The following PCDHGA9 variants were observed in gnomAD, a reference collection of about 807,000 sequenced individuals.
The protein encoded by PCDHGA9 is protocadherin gamma subfamily A, 9, also known as protocadherin gamma-A9.
Under a neutral mutation model 62.5 loss-of-function variants are expected in PCDHGA9, and 37 were observed. The ratio of observed to expected loss-of-function variants is 0.59; its 90% confidence interval spans 0.46 to 0.78. The LOEUF (loss-of-function observed/expected upper bound fraction) is 0.78. PCDHGA9 is among the 30% of genes least tolerant of loss of function. The pLI is 0.00. For synonymous variants in PCDHGA9, 459 were observed against 484.6 expected, an observed-to-expected ratio of 0.95 and a Z score of 0.69; for missense variants, 1,138 against 1,166.2, an observed-to-expected ratio of 0.98 and a Z score of 0.35.
intron 1 of PCDHGA9, among the ~76,000 whole-genome samples, chr5:141,437,514 C>G (rs2097891371): frequency 6.6e-6 from 1 of 152,114 alleles, no homozygotes; most frequent in South Asian, 2.1e-4. Flanking sequence ...AATTATAAGG[C>G]TGATGACAAA....
At chr5:141,510,653 T>G (rs1388568365) in intron 3 of PCDHGA9, among the ~76,000 whole-genome samples, 1 of 152,184 alleles carries the variant, frequency 6.6e-6, no homozygotes, top group Non-Finnish European at 1.5e-5. Context: ...ATCCCCATTT[T>G]GCAGATGAGA....
intron 1 of PCDHGA9, chr5:141,416,902 C>T (rs1364019748): frequency 1.3e-5 from 2 of 152,020 alleles, no homozygotes; most frequent in Non-Finnish European, 2.9e-5. Flanking sequence ...GGAAGGAAAG[C>T]ACACTCTTTA....
At chr5:141,463,402 T>C (rs1214124103) in intron 1 of PCDHGA9, among the ~76,000 whole-genome samples, 1 of 149,978 alleles carries the variant, frequency 6.7e-6, no homozygotes, top group African/African-American at 2.5e-5. Context: ...GCAAAAAAAA[T>C]GGAGATCCTA....
intron 1 of PCDHGA9, chr5:141,413,488 C>T (rs2095648022): frequency 3.1e-6 from 5 of 1,613,868 alleles, no homozygotes; most frequent in Non-Finnish European, 3.4e-6. Context: ...TCAGAGCGCG[C>T]GGTGCGTGGT....
In PCDHGA9 at chr5:141,485,792, G is replaced by A. The variant is rs114766079; in HGVS notation, c.2425-9015G>A. The A allele has an allele frequency of 6.2e-7, 1 of 1,614,236 alleles. No homozygotes were observed. Among genetic ancestry groups the A allele is most frequent in the East Asian group, 2.2e-5 (1 of 44,880 alleles). ...GCCTTTGGATCGAGAGAAGCAATCG[G>A]ACTACCGCCTGGTGCTGACTGCTGT... On this transcript the variant is annotated intron_variant, in intron 1 of 3. Coordinates refer to ENST00000573521, the MANE Select transcript of PCDHGA9 (RefSeq NM_018921.3). This position sits in a 1 kb window ranked among gnomAD's most constrained non-coding sequence, Gnocchi z 5.7.
At chr5:141,461,281 C>T (rs1305044383) in intron 1 of PCDHGA9, among the ~76,000 whole-genome samples, 1 of 152,050 alleles carries the variant, frequency 6.6e-6, no homozygotes, top group Non-Finnish European at 1.5e-5. Flanking sequence ...CTCTTTTCCC[C>T]ACATCCACAC....
At chr5:141,509,908 G>A (rs376035312) in intron 3 of PCDHGA9, among the ~76,000 whole-genome samples, 1 of 152,164 alleles carries the variant, frequency 6.6e-6, no homozygotes, top group African/African-American at 2.4e-5. Flanking sequence ...TCCAGCATGC[G>A]CTTAGGTACA....
At chr5:141,419,029 T>C in intron 1 of PCDHGA9, 1 of 1,613,886 alleles carries the variant, frequency 6.2e-7, no homozygotes, top group Non-Finnish European at 8.5e-7. Flanking sequence ...GTAGAGGTGT[T>C]CCATTTAAGA....
chr5:141,405,363 C>G lies in PCDHGA9; in HGVS notation c.2411C>G (p.Thr804Ser), dbSNP rs765508317. 5.0e-6 allele frequency: 8 copies of G among 1,613,808 alleles called. No individual in the cohort carries two copies. Among genetic ancestry groups the G allele is most frequent in the Non-Finnish European group, 6.8e-6 (8 of 1,179,756 alleles). ...GATTCCAAGTTTCCTATAGAAGACA[C>G]CCCTTTGGTTCCGGTGAGTTCATTT... ...SVDSKFPIED[T>S]PLVPQAPPNT... is the part of the protein sequence containing the mutation. The change falls in exon 1 of 4, where the codon ACC becomes AGC. Residue 804 changes from threonine to serine, a missense_variant. Physicochemically the swap from Thr to Ser is moderately conservative, Grantham distance 58. Transcript: ENST00000573521.
chr5:141,433,140 C>T (rs1394486228), intron 1 of PCDHGA9: 4 of 1,613,948 alleles, frequency 2.5e-6, no homozygotes, highest in African/African-American at 1.3e-5. Flanking sequence ...CTTTTGCTGT[C>T]AGGTGATTCG....
At chr5:141,453,071 C>G (rs561248978) in intron 1 of PCDHGA9, among the ~76,000 whole-genome samples, 13 of 152,150 alleles carry the variant, frequency 8.5e-5, no homozygotes, top group South Asian at 2.1e-4. Flanking sequence ...TTTTGCCACA[C>G]TCTGGTTGAT....
At chr5:141,465,978 C>T (rs568961720) in intron 1 of PCDHGA9, among the ~76,000 whole-genome samples, 7 of 151,998 alleles carry the variant, frequency 4.6e-5, no homozygotes, top group South Asian at 2.1e-4. Context: ...AAAAATTAGC[C>T]GGGCATGGTG....
Position 141,404,455 on chromosome 5 carries a change from C to T in PCDHGA9, c.1503C>T (p.Leu501=). The part of the protein sequence containing the change: ...LAEDTIQGSP[L]STYVSINSDT... ...AGGATACCATCCAAGGGTCTCCTCT[C>T]TCCACCTATGTCTCTATTAACTCAG... is the stretch of plus-strand genomic sequence containing the variant. The change falls in exon 1 of 4, where the codon CTC becomes CTT. Residue 501 remains leucine, a synonymous_variant. Transcript: ENST00000573521. The T allele has an allele frequency of 6.2e-7, 1 of 1,611,994 alleles. No individual in the cohort carries two copies. Among genetic ancestry groups the T allele is most frequent in the Non-Finnish European group, 8.5e-7 (1 of 1,178,148 alleles).
At chr5:141,433,732 G>A (rs1181042854) in intron 1 of PCDHGA9, among the ~76,000 whole-genome samples, 2 of 151,886 alleles carry the variant, frequency 1.3e-5, no homozygotes, top group Non-Finnish European at 2.9e-5. Flanking sequence ...AGCTACTTGG[G>A]AGGCTGAGTC....
At chr5:141,452,895 A>G (rs527695680) in intron 1 of PCDHGA9, among the ~76,000 whole-genome samples, 16 of 152,312 alleles carry the variant, frequency 1.1e-4, no homozygotes, top group African/African-American at 3.6e-4. Flanking sequence ...TTCCACTTTT[A>G]TTAGTTGGCA....
In PCDHGA9 at chr5:141,431,819, A is replaced by C. The variant is rs2097420237; in HGVS notation, c.2424+26443A>C. On this transcript the variant is annotated intron_variant, in intron 1 of 3. Transcript: ENST00000573521. The surrounding 1 kb of genome is among the most constrained non-coding windows in gnomAD (Gnocchi z 4.8). ...AGAAGTGGTCCTCACCTCTCTCGCC[A>C]GCTCGGTTCCCGAAAACTCTCCCAG... 6.2e-7 allele frequency: 1 copy of C among 1,614,154 alleles called. No individual in the cohort carries two copies. Among genetic ancestry groups the C allele is most frequent in the Admixed American group, 1.7e-5 (1 of 60,018 alleles).
intron 1 of PCDHGA9, chr5:141,441,038 G>T (rs1263659082): frequency 1.3e-5 from 2 of 152,156 alleles, no homozygotes; most frequent in Non-Finnish European, 2.9e-5. Flanking sequence ...AAAACTTTAA[G>T]TACATTGGAC....
chr5:141,413,989 G>C, intron 1 of PCDHGA9: 1 of 1,613,400 alleles, frequency 6.2e-7, no homozygotes, highest in East Asian at 2.2e-5. Context: ...CACAGCCACC[G>C]ACAGGGACGA....
chr5:141,498,306 A>C (rs2099783027), intron 2 of PCDHGA9, among the ~76,000 whole-genome samples: 1 of 151,810 alleles, frequency 6.6e-6, no homozygotes, highest in African/African-American at 2.4e-5. Flanking sequence ...TCTGGGTCAC[A>C]CTGCCTACAC....
Sources: allele counts gnomAD v4.1 joint callset (sites outside exome capture counted in the v4.1 genomes callset), GRCh38; gene constraint gnomAD v4.1.1; non-coding constraint Gnocchi (gnomAD v3.1); transcripts MANE v1.5; gene names NCBI Gene and HGNC (gene_info 2026-07-23, HGNC 2026-07-21).